MINAR1: variants seen among roughly 807,000 people sequenced by gnomAD.
MINAR1 encodes membrane integral NOTCH2 associated receptor 1, also known as major intrinsically disordered Notch2-binding receptor 1.
MINAR1 carries 40 observed loss-of-function variants against 65.1 expected under a neutral mutation model. That is an observed-to-expected ratio of 0.61 (90% CI 0.48 to 0.80). MINAR1 has a LOEUF of 0.80. Among genes scored for constraint, MINAR1 ranks in the 30% least tolerant of loss-of-function variants. MINAR1 has a pLI of 0.00. For missense variants in MINAR1, 1,128 were observed against 1,148.0 expected (o/e 0.98, Z 0.25); for synonymous variants, 482 against 449.1 (o/e 1.07, Z -0.93).
chr15:79,428,269 C>CTTCT (rs1203779869), upstream of MINAR1, among the ~76,000 whole-genome samples: 1 of 115,404 alleles, frequency 8.7e-6, no homozygotes, highest in Non-Finnish European at 1.8e-5. Context: ...TCCTTCCTTT[C>CTTCT]TTCTCCCTCT....
At position 79,456,440 on chromosome 15, in the gene MINAR1, G is replaced by A. The variant is rs1895417037; in HGVS notation, c.293G>A (p.Gly98Asp). ...VTIFNLIQMN[G>D]GAAKEKLPTG... ...ATATTCAACCTGATCCAAATGAATGGCGGGGCTGCCAAGGAGAAGCTGCCC... is the reference window on the plus strand; with the variant it reads ...ATATTCAACCTGATCCAAATGAATGACGGGGCTGCCAAGGAGAAGCTGCCC... Residue 98 changes from glycine to aspartate, a missense_variant, in exon 2 of 4, where the codon GGC becomes GAC. Gly to Asp is a moderately conservative substitution (Grantham distance 94). Transcript: ENST00000305428. The A allele has an allele frequency of 1.2e-6, 2 of 1,614,092 alleles. No homozygotes were observed. Among genetic ancestry groups the A allele is most frequent in the African/African-American group, 2.7e-5 (2 of 74,936 alleles).
intron 1 of MINAR1, among the ~76,000 whole-genome samples, chr15:79,449,488 C>T (rs867313215): frequency 6.6e-6 from 1 of 151,316 alleles, no homozygotes; most frequent in Non-Finnish European, 1.5e-5. Flanking sequence ...CTGGTGGGGG[C>T]ATTTTTGCTG....
At position 79,469,792 on chromosome 15, in the gene MINAR1, C is replaced by T. The variant is rs1381677492; in HGVS notation, c.*1408C>T. 1 of 152,528 alleles carries T rather than the reference C, an allele frequency of 6.6e-6. No homozygotes were observed. Among genetic ancestry groups the T allele is most frequent in the Admixed American group, 6.5e-5 (1 of 15,274 alleles). 9.4% of individuals were successfully genotyped at this position (152,528 alleles called of 1,614,324 possible). A position where few individuals can be genotyped will look rare whatever the true frequency, so the allele number is the denominator to read the frequency against. ...AAAAAGGATTGACAGAAACTAGCTA[C>T]CTTATATATATTTTTTGATAATAAG... is the stretch of plus-strand genomic sequence containing the variant. On this transcript the variant is annotated 3_prime_UTR_variant, in exon 4 of 4. Coordinates refer to ENST00000305428, the MANE Select transcript of MINAR1 (RefSeq NM_015206.3).
chr15:79,466,140 G>A (rs1195886108), intron 3 of MINAR1, among the ~76,000 whole-genome samples: 3 of 152,056 alleles, frequency 2.0e-5, no homozygotes, highest in African/African-American at 7.2e-5. Context: ...TTCTATTTTG[G>A]GTGCCCTGAG....
intron 1 of MINAR1, among the ~76,000 whole-genome samples, chr15:79,449,440 C>T (rs996797416): frequency 5.3e-5 from 8 of 152,126 alleles, no homozygotes; most frequent in East Asian, 1.9e-4. Flanking sequence ...CTCTGGAGGC[C>T]GGGAAGTCCA....
At chr15:79,416,078 T>C in the MINAR1 span, 1 of 152,254 alleles carries the variant, frequency 6.6e-6, no homozygotes, top group Admixed American at 6.5e-5. Context: ...TAGCGTATCT[T>C]AAATTTGTTT....
chr15:79,444,061 C>T (rs535511816), intron 1 of MINAR1, among the ~76,000 whole-genome samples: 36 of 152,276 alleles, frequency 2.4e-4, no homozygotes, highest in Middle Eastern at 3.4e-3. Context: ...TGATGTGTAA[C>T]GTGAGCTCTA....
the MINAR1 span, chr15:79,424,789 G>C: frequency 6.6e-6 from 1 of 152,136 alleles, no homozygotes; most frequent in African/African-American, 2.4e-5. Flanking sequence ...CTGTTTTAGT[G>C]CTTGGGATAT....
Position 79,457,997 on chromosome 15 carries a change from G to A in MINAR1, c.1850G>A (p.Arg617His), listed in dbSNP as rs370740873. The change falls in exon 2 of 4, where the codon CGT becomes CAT. Residue 617 changes from arginine (R) to histidine (H), a missense_variant. Arg to His is a conservative substitution (Grantham distance 29, BLOSUM62 0). Coordinates refer to ENST00000305428, the MANE Select transcript of MINAR1 (RefSeq NM_015206.3). ...AAGCTGGAATCCCTGTCGGGTGTCC[G>A]TGATGAAATCTCCCAGGTCTTGGGC... Reference protein sequence around the residue: ...ERKLESLSGVRDEISQVLGKL... With the variant: ...ERKLESLSGVHDEISQVLGKL... 9.3e-6 allele frequency: 15 copies of A among 1,613,956 alleles called. No homozygotes were observed. Among genetic ancestry groups the A allele is most frequent in the East Asian group, 4.5e-5 (2 of 44,890 alleles).
intron 1 of MINAR1, among the ~76,000 whole-genome samples, chr15:79,452,721 G>A (rs1895268629): frequency 8.5e-6 from 1 of 117,786 alleles, no homozygotes; most frequent in African/African-American, 3.0e-5. Context: ...TGTGGGTGTG[G>A]GTGAGTCTGT....
chr15:79,419,999 AAAAC>A, the MINAR1 span: 5 of 152,366 alleles, frequency 3.3e-5, no homozygotes, highest in East Asian at 3.9e-4. Context: ...GGTGAATTAA[AAAAC>A]AAACCAACAA....
rs962048873 is a variant in MINAR1 at position 79,468,437 on chromosome 15, A to G, written c.*53A>G. 1.8e-5 allele frequency: 27 copies of G among 1,501,846 alleles called. No homozygotes were observed. The highest frequency in any genetic ancestry group is 1.3e-4 in the Admixed American group (7 of 52,764). 93.0% of individuals were successfully genotyped at this position (1,501,846 alleles called of 1,614,324 possible). A position where few individuals can be genotyped will look rare whatever the true frequency, so the allele number is the denominator to read the frequency against. On this transcript the variant is annotated 3_prime_UTR_variant, in exon 4 of 4. Coordinates refer to ENST00000305428, the MANE Select transcript of MINAR1 (RefSeq NM_015206.3). The stretch of plus-strand genomic sequence containing the variant: ...TATGACTACCAATGTCGTCGTCTGT[A>G]TCTTAGAATCTTGCAGCAGTGAGGC...
At chr15:79,429,047 G>A (rs1894382344), upstream of MINAR1, among the ~76,000 whole-genome samples, 1 of 152,184 alleles carries the variant, frequency 6.6e-6, no homozygotes, top group Admixed American at 6.5e-5. Flanking sequence ...AGAATTTGGG[G>A]GGCACTGGAG....
rs533876114 is a variant in MINAR1 at position 79,463,099 on chromosome 15, C to A, written c.2331C>A (p.His777Gln). 85 of 1,614,122 alleles carry A rather than the reference C, an allele frequency of 5.3e-5. No homozygotes were observed. The South Asian group carries it at 8.7e-4, about 16-fold the overall frequency. The change falls in exon 3 of 4, where the codon CAC becomes CAA. Residue 777 changes from histidine to glutamine, a missense_variant. Transcript: ENST00000305428. The part of the protein sequence containing the change: ...ADRQYDIPPQ[H>Q]RLPKQPKDGF... ...GGCAGTACGACATTCCCCCACAGCACCGACTGCCCAAGCAGCCCAAAGATG... is the reference window on the plus strand; with the variant it reads ...GGCAGTACGACATTCCCCCACAGCAACGACTGCCCAAGCAGCCCAAAGATG...
intron 3 of MINAR1, among the ~76,000 whole-genome samples, chr15:79,464,644 A>AT (rs1895773367): frequency 5.9e-5 from 9 of 152,184 alleles, no homozygotes; most frequent in Admixed American, 5.9e-4. Context: ...TTGCAATGAC[A>AT]TTTCTTTATC....
intron 2 of MINAR1, among the ~76,000 whole-genome samples, chr15:79,460,411 G>A (rs1026036529): frequency 2.0e-5 from 3 of 152,150 alleles, no homozygotes; most frequent in Non-Finnish European, 4.4e-5. Context: ...GAGGGGTGAG[G>A]ATGGAGTCAG....
At chr15:79,429,609 CGTCA>C (rs1894393154), upstream of MINAR1, among the ~76,000 whole-genome samples, 2 of 152,188 alleles carry the variant, frequency 1.3e-5, no homozygotes, top group Non-Finnish European at 2.9e-5. Flanking sequence ...CCCATCTCAT[CGTCA>C]GTCTCTTTCT....
intron 2 of MINAR1, among the ~76,000 whole-genome samples, chr15:79,460,275 A>G (rs58788743): frequency 0.03 from 4,590 of 152,214 alleles, 237 homozygotes; most frequent in African/African-American, 0.11. Flanking sequence ...CTTTGGTTGC[A>G]TATGTCAAAC....
At chr15:79,414,344 TA>T in the MINAR1 span, 1 of 152,208 alleles carries the variant, frequency 6.6e-6, no homozygotes, top group East Asian at 1.9e-4. Context: ...ACCTTCTACT[TA>T]CATGCATGTT....
Sources: allele counts gnomAD v4.1 joint callset (sites outside exome capture counted in the v4.1 genomes callset), GRCh38; gene constraint gnomAD v4.1.1; transcripts MANE v1.5; gene names NCBI Gene and HGNC (gene_info 2026-07-23, HGNC 2026-07-21).